Variants in COL24A1 observed in about 807,000 individuals in gnomAD.
COL24A1 encodes the protein collagen alpha-1(XXIV) chain.
In COL24A1, 224 loss-of-function variants were observed where a neutral mutation model predicts 253.9. The observed-to-expected ratio is 0.88, with a 90% CI of 0.79 to 0.99. The LOEUF (loss-of-function observed/expected upper bound fraction) is 0.99, where lower values mean the gene tolerates loss of function less well. Ranked by LOEUF, COL24A1 falls within the 50% of genes least tolerant of loss-of-function variation. COL24A1 has a pLI of 0.00. For missense variants in COL24A1, 2,131 were observed against 2,068.5 expected (o/e 1.03, Z -0.59); for synonymous variants, 685 against 673.7 (o/e 1.02, Z -0.26).
intron 24 of COL24A1, among the ~76,000 whole-genome samples, chr1:85,920,230 G>T (rs1686313277): frequency 6.6e-6 from 1 of 152,152 alleles, no homozygotes. Context: ...ATTATATCTG[G>T]TTGAAAACAT....
chr1:86,081,108 C>T (rs1041713945), intron 7 of COL24A1, among the ~76,000 whole-genome samples: 6 of 152,040 alleles, frequency 3.9e-5, no homozygotes, highest in Admixed American at 6.5e-5. Flanking sequence ...GAAATTAAAG[C>T]ATCATTTATT....
chr1:85,744,944 T>G, intron 56 of COL24A1, 110 bp from the exon 57 acceptor site: 1 of 765,350 alleles, frequency 1.3e-6, no homozygotes, highest in Non-Finnish European at 2.1e-6. Context: ...GTGAGTAGAA[T>G]GTAAAGAACA....
chr1:85,766,455 C>A (rs1435580819), intron 53 of COL24A1, among the ~76,000 whole-genome samples: 1 of 149,856 alleles, frequency 6.7e-6, no homozygotes, highest in Non-Finnish European at 1.5e-5. Context: ...TAAAAACAGT[C>A]CATAGGCAGG....
chr1:85,744,585 G>A lies in COL24A1; in HGVS notation c.4672+81C>T, dbSNP rs567048395. 9 of 1,196,386 alleles carry A rather than the reference G, an allele frequency of 7.5e-6. No individual in the cohort carries two copies. In the African/African-American group the frequency reaches 1.1e-4, roughly 14 times the overall value. 74.1% of individuals were successfully genotyped at this position (1,196,386 alleles called of 1,614,324 possible). A position where few individuals can be genotyped will look rare whatever the true frequency, so the allele number is the denominator to read the frequency against. ...TTTATCAAACTAACTATGATTTGGAGTGAACACATTACAAATCTCAAACAC... is the reference window on the plus strand; with the variant it reads ...TTTATCAAACTAACTATGATTTGGAATGAACACATTACAAATCTCAAACAC... On this transcript the variant is annotated intron_variant, in intron 57 of 59. Coordinates refer to ENST00000370571, the MANE Select transcript of COL24A1 (RefSeq NM_152890.7).
At chr1:85,761,361 A>T in intron 55 of COL24A1, 35 bp downstream of exon 55, 1 of 1,612,082 alleles carries the variant, frequency 6.2e-7, no homozygotes, top group Non-Finnish European at 8.5e-7. Context: ...ACATACTAAG[A>T]TAAAACAAAA....
At chr1:86,007,979 T>C (rs756729604) in intron 19 of COL24A1, among the ~76,000 whole-genome samples, 1 of 152,172 alleles carries the variant, frequency 6.6e-6, no homozygotes, top group South Asian at 2.1e-4. Context: ...GTGATAGTTA[T>C]GATGTGTCAA....
intron 35 of COL24A1, among the ~76,000 whole-genome samples, chr1:85,872,464 C>A (rs1174070266): frequency 1.3e-5 from 2 of 151,936 alleles, no homozygotes; most frequent in East Asian, 1.9e-4. Context: ...GCTACTGTAA[C>A]CAAAACAGCT....
intron 24 of COL24A1, 51 bp downstream of exon 24, chr1:85,961,198 C>A: frequency 7.5e-7 from 1 of 1,328,488 alleles, no homozygotes; most frequent in South Asian, 1.2e-5. Context: ...TAATATGATT[C>A]CTAAAAATGC....
At chr1:86,052,191 T>C (rs1700361953) in intron 10 of COL24A1, among the ~76,000 whole-genome samples, 1 of 152,112 alleles carries the variant, frequency 6.6e-6, no homozygotes, top group Non-Finnish European at 1.5e-5. Context: ...GTTTCTTATT[T>C]TGAATCACAG....
At chr1:85,733,204 G>C (rs1203515621) in intron 59 of COL24A1, among the ~76,000 whole-genome samples, 1 of 152,154 alleles carries the variant, frequency 6.6e-6, no homozygotes, top group Non-Finnish European at 1.5e-5. Context: ...GAAATGTTGA[G>C]ATACTAAATC....
intron 24 of COL24A1, among the ~76,000 whole-genome samples, chr1:85,955,728 T>G (rs891292727): frequency 6.6e-6 from 1 of 152,228 alleles, no homozygotes; most frequent in African/African-American, 2.4e-5. Flanking sequence ...AAAACCAACA[T>G]GTATCAAGCT....
chr1:85,942,431 G>C (rs1444817367), intron 24 of COL24A1, among the ~76,000 whole-genome samples: 1 of 152,086 alleles, frequency 6.6e-6, no homozygotes, highest in Non-Finnish European at 1.5e-5. Flanking sequence ...CTAAGTGATT[G>C]GTCTTTCCTT....
At chr1:86,023,239 C>T (rs1697725060) in intron 14 of COL24A1, among the ~76,000 whole-genome samples, 1 of 152,138 alleles carries the variant, frequency 6.6e-6, no homozygotes, top group Admixed American at 6.6e-5. Context: ...GTCTAGTCCA[C>T]AGAGATTCTT....
chr1:86,090,307 G>T (rs1703402033), intron 6 of COL24A1, among the ~76,000 whole-genome samples: 1 of 152,172 alleles, frequency 6.6e-6, no homozygotes, highest in South Asian at 2.1e-4. Flanking sequence ...GGTTGATAAT[G>T]ATGATGGTGA....
At chr1:86,121,174 G>A (rs1647287040) in intron 3 of COL24A1, among the ~76,000 whole-genome samples, 1 of 152,088 alleles carries the variant, frequency 6.6e-6, no homozygotes. Context: ...ATAGCATTAG[G>A]AGAAATACCT....
intron 23 of COL24A1, 141 bp downstream of exon 23, chr1:85,964,868 C>A: frequency 1.6e-6 from 1 of 636,492 alleles, no homozygotes; most frequent in Non-Finnish European, 2.7e-6. Flanking sequence ...GATATAGATT[C>A]TCAGTTGCTC....
At chr1:85,914,405 T>C (rs1448950849) in intron 24 of COL24A1, among the ~76,000 whole-genome samples, 2 of 150,174 alleles carry the variant, frequency 1.3e-5, no homozygotes, top group Non-Finnish European at 3.0e-5. Context: ...TTTTTTTTTT[T>C]CTTGAGATGG....
intron 47 of COL24A1, among the ~76,000 whole-genome samples, chr1:85,802,819 C>T (rs572378046): frequency 6.6e-6 from 1 of 152,294 alleles, no homozygotes; most frequent in Non-Finnish European, 1.5e-5. Context: ...CAATTTTATA[C>T]AAGTGGAACC....
At chr1:86,031,300 G>A (rs1034938327) in intron 14 of COL24A1, among the ~76,000 whole-genome samples, 2 of 152,002 alleles carry the variant, frequency 1.3e-5, no homozygotes, top group African/African-American at 2.4e-5. Flanking sequence ...CAAAAATACA[G>A]TAGAAAGAAT....
Sources: allele counts gnomAD v4.1 joint callset (sites outside exome capture counted in the v4.1 genomes callset), GRCh38; gene constraint gnomAD v4.1.1; transcripts MANE v1.5; gene names NCBI Gene and HGNC (gene_info 2026-07-23, HGNC 2026-07-21).